PPP4R3A: variants seen among roughly 807,000 people sequenced by gnomAD.
PPP4R3A encodes the protein serine/threonine-protein phosphatase 4 regulatory subunit 3A.
PPP4R3A carries 15 observed loss-of-function variants against 91.7 expected under a neutral mutation model. That is an observed-to-expected ratio of 0.16 (90% CI 0.11 to 0.25). The LOEUF is 0.25. PPP4R3A is among the 10% of genes least tolerant of loss of function. PPP4R3A has a pLI of 1.00. For synonymous variants in PPP4R3A, 377 were observed against 348.7 expected (o/e 1.08, Z -0.91); for missense variants, 623 against 998.4 (o/e 0.62, Z 5.07).
intron 4 of PPP4R3A, among the ~76,000 whole-genome samples, chr14:91,478,139 C>T (rs1045341364): frequency 1.3e-5 from 2 of 152,116 alleles, no homozygotes; most frequent in Non-Finnish European, 2.9e-5. Context: ...GTTATTCTCA[C>T]CTTTACTTTT....
chr14:91,465,522 A>G lies in PPP4R3A; in HGVS notation c.1661-103T>C, dbSNP rs1010481524. 2.0e-5 allele frequency: 19 copies of G among 963,880 alleles called. No individual in the cohort carries two copies. In the South Asian group the frequency reaches 3.2e-4, roughly 16 times the overall value. The allele number at this position is 963,880 out of a possible 1,614,324, so 59.7% of individuals were successfully genotyped here. A position where few individuals can be genotyped will look rare whatever the true frequency, so the allele number is the denominator to read the frequency against. Reference sequence around the variant, plus strand: ...CAAACCAAAAAAAACTGTTTAACACATATCAATAATTATTTATGATGTTTG... The same window carrying G: ...CAAACCAAAAAAAACTGTTTAACACGTATCAATAATTATTTATGATGTTTG... On this transcript the variant is annotated intron_variant, in intron 10 of 14. Transcript: ENST00000554943.
chr14:91,509,802 G>A lies in PPP4R3A; in HGVS notation c.-155C>T, dbSNP rs1891672334. The A allele has an allele frequency of 2.4e-6, 3 of 1,229,782 alleles. No individual in the cohort carries two copies. The highest frequency in any genetic ancestry group is 3.2e-4 in the Middle Eastern group (1 of 3,120). 76.2% of individuals were successfully genotyped at this position (1,229,782 alleles called of 1,614,324 possible). A position where few individuals can be genotyped will look rare whatever the true frequency, so the allele number is the denominator to read the frequency against. On this transcript the variant is annotated 5_prime_UTR_variant, in exon 1 of 15. An upstream open reading frame in the 5' UTR gains an earlier in-frame stop. Coordinates refer to ENST00000554943, the MANE Select transcript of PPP4R3A (RefSeq NM_001366432.2). ...GCGCCGCGGGGCCGCGCCGCCGCCT[G>A]CATGGCCCGCTCCAGGGACCGAGCT...
chr14:91,503,364 T>C (rs1891078906), intron 1 of PPP4R3A, among the ~76,000 whole-genome samples: 1 of 151,880 alleles, frequency 6.6e-6, no homozygotes, highest in African/African-American at 2.4e-5. Context: ...CACAGCTCAC[T>C]GTAGCCTCGA....
At chr14:91,473,507 T>A in intron 7 of PPP4R3A, 137 bp from the exon 8 acceptor site, 1 of 885,468 alleles carries the variant, frequency 1.1e-6, no homozygotes, top group Non-Finnish European at 1.7e-6. Flanking sequence ...TTAACTCAGT[T>A]ATCTGACAGG....
intron 1 of PPP4R3A, among the ~76,000 whole-genome samples, chr14:91,507,915 A>T (rs1405792120): frequency 3.9e-5 from 6 of 152,046 alleles, no homozygotes; most frequent in Non-Finnish European, 8.8e-5. Flanking sequence ...TGAGGTCAGG[A>T]GTTTGAGACC....
intron 1 of PPP4R3A, among the ~76,000 whole-genome samples, chr14:91,497,293 C>T (rs1439270823): frequency 1.3e-5 from 2 of 151,926 alleles, no homozygotes; most frequent in East Asian, 3.9e-4. Context: ...CACATCTATC[C>T]TCTCCAATGA....
chr14:91,475,716 C>A, intron 7 of PPP4R3A, 95 bp downstream of exon 7: 3 of 1,265,672 alleles, frequency 2.4e-6, no homozygotes, highest in Non-Finnish European at 2.2e-6. Context: ...CTACACTTTT[C>A]CCAAACAGCA....
chr14:91,476,971 G>C lies in PPP4R3A; in HGVS notation c.931C>G (p.Leu311Val). 1 of 1,601,402 alleles carries C rather than the reference G, an allele frequency of 6.2e-7. No homozygotes were observed. Among genetic ancestry groups the C allele is most frequent in the Non-Finnish European group, 8.5e-7 (1 of 1,172,798 alleles). Reference protein sequence around the residue: ...VGMLQEDEKFLTDLFAQLTDE... With the variant: ...VGMLQEDEKFVTDLFAQLTDE... ...GTTAGTTGTGCAAACAAATCTGTCAGAAATTTTTCATCTTCCTGTGAAACA... is the reference window on the plus strand; with the variant it reads ...GTTAGTTGTGCAAACAAATCTGTCACAAATTTTTCATCTTCCTGTGAAACA... Residue 311 changes from leucine to valine, a missense_variant, in exon 5 of 15, where the codon CTG (leucine) becomes GTG (valine). Leu to Val is a conservative substitution (Grantham distance 32, BLOSUM62 1). Coordinates refer to ENST00000554943, the MANE Select transcript of PPP4R3A (RefSeq NM_001366432.2).
At chr14:91,506,993 G>A (rs1240315287) in intron 1 of PPP4R3A, among the ~76,000 whole-genome samples, 2 of 152,150 alleles carry the variant, frequency 1.3e-5, no homozygotes, top group African/African-American at 2.4e-5. Flanking sequence ...AATGGAGGAA[G>A]AGAGATTTGT....
At chr14:91,465,098 G>T in intron 11 of PPP4R3A, 152 bp downstream of exon 11, 1 of 654,456 alleles carries the variant, frequency 1.5e-6, no homozygotes, top group Non-Finnish European at 2.3e-6. Context: ...GTAAGATGTA[G>T]CTTGACTCAA....
chr14:91,461,821 G>A (rs1203809752), intron 13 of PPP4R3A: 1 of 867,720 alleles, frequency 1.2e-6, no homozygotes, highest in Non-Finnish European at 1.7e-6. Context: ...ATCATATTTA[G>A]TATCCCTACC....
intron 1 of PPP4R3A, among the ~76,000 whole-genome samples, chr14:91,495,714 G>A (rs537388573): frequency 6.6e-6 from 1 of 152,118 alleles, no homozygotes; most frequent in South Asian, 2.1e-4. Context: ...AAAAACAGGT[G>A]GAGTGCAGCC....
At chr14:91,485,957 A>T (rs1169592137) in intron 2 of PPP4R3A, among the ~76,000 whole-genome samples, 1 of 152,200 alleles carries the variant, frequency 6.6e-6, no homozygotes, top group Non-Finnish European at 1.5e-5. Flanking sequence ...AATATATGAA[A>T]TATATTCTTT....
At position 91,490,159 on chromosome 14, in the gene PPP4R3A, GA is replaced by G. The variant is rs142777567; in HGVS notation, c.198+587del. Among the ~76,000 whole-genome samples the G allele has an allele frequency of 4.5e-3, 685 of 152,278 alleles. 8 individuals carry two copies. Among genetic ancestry groups the G allele is most frequent in the African/African-American group, 0.015 (635 of 41,550 alleles). ...CGTGAAGCGCACGCGCGTGTGTACT[GA>G]ATGAATACCATTTAATAACAGCACT... On this transcript the variant is annotated intron_variant, in intron 2 of 14. Coordinates refer to ENST00000554943, the MANE Select transcript of PPP4R3A (RefSeq NM_001366432.2).
intron 14 of PPP4R3A, among the ~76,000 whole-genome samples, chr14:91,460,475 G>C (rs1465689098): frequency 1.3e-5 from 2 of 151,930 alleles, no homozygotes; most frequent in Non-Finnish European, 2.9e-5. Flanking sequence ...GTCTGATTTA[G>C]ATCAGTGATT....
intron 10 of PPP4R3A, 105 bp from the exon 11 acceptor site, chr14:91,465,524 A>G (rs1206815845): frequency 1.1e-6 from 1 of 937,900 alleles, no homozygotes. Context: ...TTTAACACAT[A>G]TCAATAATTA....
intron 1 of PPP4R3A, among the ~76,000 whole-genome samples, chr14:91,491,671 C>T (rs1890241278): frequency 6.6e-6 from 1 of 152,142 alleles, no homozygotes; most frequent in African/African-American, 2.4e-5. Flanking sequence ...TCCCAAAGTG[C>T]TGGGATTACA....
Position 91,462,893 on chromosome 14 carries a change from G to A in PPP4R3A, c.1831-16C>T. On this transcript the variant is annotated splice_polypyrimidine_tract_variant and intron_variant, in intron 11 of 14. Transcript: ENST00000554943. ...TTATATCTTCCTACAGAAAAGAATA[G>A]TAATGAAAAAATGATAGGAAAATGT... The A allele has an allele frequency of 6.4e-7, 1 of 1,566,214 alleles. No homozygotes were observed. The highest frequency in any genetic ancestry group is 8.7e-7 in the Non-Finnish European group (1 of 1,148,584).
intron 12 of PPP4R3A, 77 bp from the exon 13 acceptor site, chr14:91,462,316 G>A (rs1888210651): frequency 7.6e-7 from 1 of 1,312,052 alleles, no homozygotes; most frequent in Non-Finnish European, 9.9e-7. Context: ...TATTAAACTT[G>A]TTAACATAGG....
Sources: allele counts gnomAD v4.1 joint callset (sites outside exome capture counted in the v4.1 genomes callset), GRCh38; gene constraint gnomAD v4.1.1; transcripts MANE v1.5; gene names NCBI Gene and HGNC (gene_info 2026-07-23, HGNC 2026-07-21).